The following MCF2L variants were observed in gnomAD, a reference collection of about 807,000 sequenced individuals.
MCF2L encodes MCF.2 cell line derived transforming sequence like, also known as guanine nucleotide exchange factor DBS.
Under a neutral mutation model 153.4 loss-of-function variants are expected in MCF2L, and 97 were observed. That is an observed-to-expected ratio of 0.63 (90% CI 0.54 to 0.75). The LOEUF is 0.75. MCF2L is among the 30% of genes least tolerant of loss of function. The probability of loss-of-function intolerance (pLI) is 0.00; values close to 1 mark genes in which losing one functional copy is unlikely to be tolerated. For synonymous variants in MCF2L, 659 were observed against 632.2 expected (o/e 1.04, Z -0.64); for missense variants, 1,347 against 1,495.2 (o/e 0.90, Z 1.64).
intron 3 of MCF2L, among the ~76,000 whole-genome samples, chr13:113,029,060 T>C (rs2085485182): frequency 6.6e-6 from 1 of 152,166 alleles, no homozygotes; most frequent in African/African-American, 2.4e-5. Context: ...CAGGTAGGTC[T>C]CATCAGTGTC....
intron 3 of MCF2L, among the ~76,000 whole-genome samples, chr13:113,038,261 C>T (rs1180056546): frequency 2.0e-5 from 3 of 151,846 alleles, no homozygotes; most frequent in Admixed American, 6.6e-5. Context: ...GTCAGGAGAT[C>T]GAGATCATCC....
At chr13:112,919,643 AATTGTT>A (rs1442501164) in intron 2 of MCF2L, among the ~76,000 whole-genome samples, 2 of 152,164 alleles carry the variant, frequency 1.3e-5, no homozygotes, top group African/African-American at 4.8e-5. Context: ...TTCTGAGAGT[AATTGTT>A]ATTAAGTGGG....
At position 113,064,923 on chromosome 13, in the gene MCF2L, C is replaced by T; in HGVS notation, c.607-13C>T. The T allele has an allele frequency of 1.9e-6, 3 of 1,608,572 alleles. No homozygotes were observed. The highest frequency in any genetic ancestry group is 1.7e-5 in the Admixed American group (1 of 59,682). On this transcript the variant is annotated splice_polypyrimidine_tract_variant and intron_variant, in intron 6 of 29. Transcript: ENST00000535094. This position sits in a 1 kb window ranked among gnomAD's most constrained non-coding sequence, Gnocchi z 6.0. ...TGCACAAGGCATGCAATTGTGTTTT[C>T]TCTGTCCCCAAGGCCATCGAAAGTT...
At chr13:113,038,681 A>G (rs917806147) in intron 3 of MCF2L, among the ~76,000 whole-genome samples, 3 of 152,184 alleles carry the variant, frequency 2.0e-5, no homozygotes, top group Non-Finnish European at 4.4e-5. Context: ...TGAAAATGCA[A>G]GGGGTGAGGA....
intron 1 of MCF2L, among the ~76,000 whole-genome samples, chr13:112,977,134 C>A (rs1222262545): frequency 6.6e-6 from 1 of 152,206 alleles, no homozygotes; most frequent in Non-Finnish European, 1.5e-5. Flanking sequence ...ACTCCCTACT[C>A]CACGACTAAT....
chr13:112,985,293 C>T, intron 1 of MCF2L: 1 of 414,260 alleles, frequency 2.4e-6, no homozygotes, highest in South Asian at 1.7e-5. Context: ...TTTTAGGGGA[C>T]AAAGTTCAGC....
At chr13:113,041,751 G>T (rs1178382481) in intron 3 of MCF2L, among the ~76,000 whole-genome samples, 2 of 152,128 alleles carry the variant, frequency 1.3e-5, no homozygotes, top group Non-Finnish European at 2.9e-5. Flanking sequence ...TGTCCACCTG[G>T]GCCCTGCATA....
chr13:112,906,076 G>A (rs2081169904), intron 2 of MCF2L, among the ~76,000 whole-genome samples: 1 of 152,204 alleles, frequency 6.6e-6, no homozygotes, highest in Admixed American at 6.5e-5. Flanking sequence ...GGGTCCTGCT[G>A]GGTAAACATT....
At chr13:112,970,851 G>A (rs1273096573) in intron 1 of MCF2L, among the ~76,000 whole-genome samples, 5 of 152,166 alleles carry the variant, frequency 3.3e-5, no homozygotes, top group Non-Finnish European at 5.9e-5. Flanking sequence ...AATGTCGTGC[G>A]AGCCGGGCGC....
intron 1 of MCF2L, among the ~76,000 whole-genome samples, chr13:112,990,663 A>T (rs1268579830): frequency 1.3e-5 from 2 of 152,190 alleles, no homozygotes; most frequent in East Asian, 3.8e-4. Flanking sequence ...TTCTGTGTGG[A>T]GCTAAGAACA....
At chr13:113,078,882 A>C in intron 15 of MCF2L, 143 bp downstream of exon 15, 1 of 799,818 alleles carries the variant, frequency 1.3e-6, no homozygotes, top group South Asian at 1.7e-5. Context: ...GCACCAACCG[A>C]TACCCAGAGG....
At chr13:113,001,896 C>A in intron 1 of MCF2L, 1 of 1,587,488 alleles carries the variant, frequency 6.3e-7, no homozygotes, top group South Asian at 1.1e-5. Flanking sequence ...GGGCTCCTGA[C>A]TCGCACTGGG....
At chr13:112,944,994 C>T (rs2081622252) in intron 2 of MCF2L, among the ~76,000 whole-genome samples, 1 of 127,388 alleles carries the variant, frequency 7.9e-6, no homozygotes, top group African/African-American at 3.1e-5. Flanking sequence ...GCCAATTAGG[C>T]ACCACTATTT....
intron 1 of MCF2L, among the ~76,000 whole-genome samples, chr13:113,003,446 C>T (rs1594589122): frequency 6.6e-6 from 1 of 151,082 alleles, no homozygotes. Flanking sequence ...GGCAGGTGGC[C>T]CCCTGGGTTT....
At chr13:112,973,772 G>A (rs1048915402) in intron 1 of MCF2L, among the ~76,000 whole-genome samples, 3 of 152,184 alleles carry the variant, frequency 2.0e-5, no homozygotes, top group Admixed American at 6.5e-5. Flanking sequence ...AGGGAGACCC[G>A]TGGCTCCAGG....
At position 113,077,261 on chromosome 13, in the gene MCF2L, C is replaced by T. The variant is rs755892003; in HGVS notation, c.1660+50C>T. The T allele has an allele frequency of 5.6e-5, 81 of 1,458,452 alleles. No homozygotes were observed. In the African/African-American group the frequency reaches 1.0e-3, roughly 18 times the overall value. 90.3% of individuals were successfully genotyped at this position (1,458,452 alleles called of 1,614,324 possible). A position where few individuals can be genotyped will look rare whatever the true frequency, so the allele number is the denominator to read the frequency against. On this transcript the variant is annotated intron_variant, in intron 13 of 29. Transcript: ENST00000535094. ...GGGTGCTGTGGGACCCTCGGGGGAG[C>T]CCCGGGCGTTGAGAGCTTGGTACAT...
chr13:112,908,455 G>A (rs1326271551), intron 2 of MCF2L, among the ~76,000 whole-genome samples: 2 of 152,204 alleles, frequency 1.3e-5, no homozygotes, highest in Non-Finnish European at 2.9e-5. Context: ...TCAGGTGAAC[G>A]GAAGGTGTCT....
At chr13:113,078,809 G>T (rs1409846106) in intron 15 of MCF2L, 70 bp downstream of exon 15, 2 of 1,364,160 alleles carry the variant, frequency 1.5e-6, no homozygotes, top group East Asian at 4.9e-5. Context: ...ATGCCGTCAG[G>T]CACTCGAGCA....
chr13:112,897,904 G>T (rs1211260551), intron 1 of MCF2L, among the ~76,000 whole-genome samples: 3 of 152,168 alleles, frequency 2.0e-5, no homozygotes, highest in Non-Finnish European at 4.4e-5. Flanking sequence ...CACCCGCTCT[G>T]TGCCAGGGCC....
Sources: gnomAD v4.1 joint callset for allele counts (sites outside exome capture counted in the v4.1 genomes callset) on GRCh38, gnomAD v4.1.1 for gene constraint, Gnocchi (gnomAD v3.1) non-coding constraint, MANE v1.5 for transcripts, NCBI Gene and HGNC (gene_info 2026-07-23, HGNC 2026-07-21) for gene names.